The following DCLK2 variants were observed in gnomAD, a reference collection of about 807,000 sequenced individuals.
The protein encoded by DCLK2 is serine/threonine-protein kinase DCLK2.
A neutral mutation model predicts 78.4 loss-of-function variants in DCLK2; 31 were observed. That is an observed-to-expected ratio of 0.40 (90% CI 0.30 to 0.53). The LOEUF is 0.53. Among genes scored for constraint, DCLK2 ranks in the 20% least tolerant of loss-of-function variants. The pLI, the probability that DCLK2 is intolerant of heterozygous loss-of-function variation, is 0.61. For synonymous variants in DCLK2, 407 were observed against 374.9 expected, an observed-to-expected ratio of 1.09 and a Z score of -0.99; for missense variants, 872 against 973.7, an observed-to-expected ratio of 0.90 and a Z score of 1.39.
rs767846412 is a variant in DCLK2, at chr4:150,151,924, C to CAA, written c.757-41203_757-41202dup. 9.4e-3 allele frequency among the ~76,000 whole-genome samples: 1,230 copies of CAA among 131,092 alleles called. 41 individuals carry two copies. The highest frequency in any genetic ancestry group is 0.069 in the Admixed American group (931 of 13,436). The allele number at this position is 131,092 out of a possible 152,430, so 86.0% of individuals were successfully genotyped here. On this transcript the variant is annotated intron_variant, in intron 2 of 15. Transcript: ENST00000296550. ...TGGGCAACAAAGTGAGGCTCTGTCT[C>CAA]AAAAAAAAAAAATAATAATAATTTA...
chr4:150,218,555 C>T (rs1275537978), intron 5 of DCLK2, among the ~76,000 whole-genome samples: 1 of 152,150 alleles, frequency 6.6e-6, no homozygotes, highest in South Asian at 2.1e-4. Context: ...GATGAACAAG[C>T]AGGCTTCATG....
intron 7 of DCLK2, among the ~76,000 whole-genome samples, chr4:150,224,160 T>G (rs1202630416): frequency 2.0e-5 from 3 of 152,092 alleles, no homozygotes; most frequent in Admixed American, 6.5e-5. Flanking sequence ...ACAGTATGGC[T>G]TTGTTTTTGT....
At chr4:150,214,825 G>A (rs544499481) in intron 5 of DCLK2, among the ~76,000 whole-genome samples, 14 of 152,068 alleles carry the variant, frequency 9.2e-5, no homozygotes, top group African/African-American at 3.1e-4. Context: ...AGCCAGGCGT[G>A]GTGGCACACG....
intron 2 of DCLK2, among the ~76,000 whole-genome samples, chr4:150,176,882 G>A (rs1453834362): frequency 6.6e-6 from 1 of 152,196 alleles, no homozygotes; most frequent in Non-Finnish European, 1.5e-5. Flanking sequence ...AATGCTTACA[G>A]ACAACTTCCC....
intron 2 of DCLK2, among the ~76,000 whole-genome samples, chr4:150,175,986 C>T (rs1441688174): frequency 1.3e-5 from 2 of 152,162 alleles, no homozygotes; most frequent in Non-Finnish European, 2.9e-5. Flanking sequence ...ATCTTTAAAT[C>T]GTGTAAGTTG....
chr4:150,217,973 T>C (rs560006608), intron 5 of DCLK2, among the ~76,000 whole-genome samples: 78 of 152,358 alleles, frequency 5.1e-4, no homozygotes, highest in Middle Eastern at 3.4e-3. Flanking sequence ...TCCTGGTGTT[T>C]AGTGGAGGCT....
intron 1 of DCLK2, among the ~76,000 whole-genome samples, chr4:150,100,695 A>G (rs2150151673): frequency 6.6e-6 from 1 of 152,352 alleles, no homozygotes; most frequent in South Asian, 2.1e-4. Context: ...TGTTTTGCCC[A>G]TTAATGCATA....
intron 2 of DCLK2, among the ~76,000 whole-genome samples, chr4:150,113,697 C>CT (rs59728799): frequency 0.22 from 31,553 of 141,098 alleles, 3,608 homozygotes; most frequent in African/African-American, 0.29. Context: ...AAGAACCAAC[C>CT]TTTTTTTTTT....
At chr4:150,240,749 T>TAAAAAAAAAAAAAAAA (rs372514541) in intron 12 of DCLK2, among the ~76,000 whole-genome samples, 1 of 59,984 alleles carries the variant, frequency 1.7e-5, no homozygotes, top group African/African-American at 6.5e-5. Flanking sequence ...TAAAATATAA[T>TAAAAAAAAAAAAAAAA]AAAAAAAAAA....
chr4:150,209,754 C>T (rs971808744), intron 5 of DCLK2: 1 of 152,186 alleles, frequency 6.6e-6, no homozygotes, highest in Non-Finnish European at 1.5e-5. Context: ...TCTGGTGGTA[C>T]CAGCAGACTC....
intron 8 of DCLK2, among the ~76,000 whole-genome samples, chr4:150,231,815 A>G (rs746372831): frequency 4.0e-4 from 61 of 152,346 alleles, no homozygotes; most frequent in South Asian, 6.2e-4. Context: ...TAGAGGAAGA[A>G]AGTTCTTTTT....
At chr4:150,140,933 A>G (rs1734065158) in intron 2 of DCLK2, among the ~76,000 whole-genome samples, 1 of 152,224 alleles carries the variant, frequency 6.6e-6, no homozygotes, top group Non-Finnish European at 1.5e-5. Flanking sequence ...GTTTTCCTAC[A>G]AAACAGTCTA....
At chr4:150,183,843 T>G (rs1416373114) in intron 2 of DCLK2, among the ~76,000 whole-genome samples, 1 of 151,972 alleles carries the variant, frequency 6.6e-6, no homozygotes, top group African/African-American at 2.4e-5. Context: ...AATGGTCCTT[T>G]AGTCTCAGCC....
intron 2 of DCLK2, among the ~76,000 whole-genome samples, chr4:150,154,078 G>T (rs1735087632): frequency 6.6e-6 from 1 of 152,198 alleles, no homozygotes; most frequent in Admixed American, 6.5e-5. Flanking sequence ...AGTGGAGAGG[G>T]ATGGTTCCCC....
intron 2 of DCLK2, among the ~76,000 whole-genome samples, chr4:150,127,058 T>C (rs527869020): frequency 6.6e-6 from 1 of 152,334 alleles, no homozygotes; most frequent in South Asian, 2.1e-4. Context: ...AAGGAAGTTA[T>C]ATTGTGCCTT....
At chr4:150,139,642 T>G (rs1383500716) in intron 2 of DCLK2, among the ~76,000 whole-genome samples, 2 of 152,204 alleles carry the variant, frequency 1.3e-5, no homozygotes, top group Admixed American at 6.5e-5. Context: ...TCCTTTCTTT[T>G]GGGAAATTGC....
chr4:150,189,742 C>G (rs893618341), intron 2 of DCLK2, among the ~76,000 whole-genome samples: 7 of 151,988 alleles, frequency 4.6e-5, no homozygotes, highest in South Asian at 2.1e-4. Flanking sequence ...AAAAGTTACT[C>G]TGGTCTGAGA....
intron 2 of DCLK2, among the ~76,000 whole-genome samples, chr4:150,175,026 A>T (rs6857961): frequency 1.8e-5 from 1 of 55,140 alleles, no homozygotes; most frequent in Non-Finnish European, 3.7e-5. Flanking sequence ...ATATATATAT[A>T]TATATATTTA....
At chr4:150,081,262 A>G (rs1170395947) in intron 1 of DCLK2, among the ~76,000 whole-genome samples, 1 of 152,214 alleles carries the variant, frequency 6.6e-6, no homozygotes, top group Non-Finnish European at 1.5e-5. Context: ...ATCTCATAGG[A>G]GAGATGATAA....
Sources: allele counts gnomAD v4.1 joint callset (sites outside exome capture counted in the v4.1 genomes callset), GRCh38; gene constraint gnomAD v4.1.1; transcripts MANE v1.5; gene names NCBI Gene and HGNC (gene_info 2026-07-23, HGNC 2026-07-21).